Variants in PTPRD observed in about 807,000 individuals in gnomAD.
The protein encoded by PTPRD is protein tyrosine phosphatase receptor type D, also known as receptor-type tyrosine-protein phosphatase delta.
A neutral mutation model predicts 214.5 loss-of-function variants in PTPRD; 34 were observed. That is an observed-to-expected ratio of 0.16 (90% confidence interval 0.12 to 0.21). PTPRD has a LOEUF of 0.21. PTPRD is among the 10% of genes least tolerant of loss of function. The pLI is 1.00. For missense variants in PTPRD, 2,545 were observed against 2,398.7 expected (o/e 1.06, Z -1.27); for synonymous variants, 1,128 against 845.7 (o/e 1.33, Z -5.79).
chr9:9,307,972 C>T (rs935244251), intron 9 of PTPRD, among the ~76,000 whole-genome samples: 2 of 152,108 alleles, frequency 1.3e-5, no homozygotes, highest in African/African-American at 2.4e-5. Flanking sequence ...AGCAGACAAG[C>T]TATCCTGCAA....
At chr9:9,837,885 A>G (rs1250502381) in intron 5 of PTPRD, among the ~76,000 whole-genome samples, 1 of 152,158 alleles carries the variant, frequency 6.6e-6, no homozygotes, top group Non-Finnish European at 1.5e-5. Flanking sequence ...GTCATTTAGC[A>G]TTAGGTATAT....
rs1203781342 is a variant in PTPRD at position 8,484,099 on chromosome 9, T to G, written c.3413+20A>C. On this transcript the variant is annotated intron_variant, in intron 30 of 45. Transcript: ENST00000381196. Reference sequence around the variant, plus strand: ...TACCTATAATTCTTTCCTTCAGCCCTAAGCCTTCAATCAACTTACTTTATA... The same window carrying G: ...TACCTATAATTCTTTCCTTCAGCCCGAAGCCTTCAATCAACTTACTTTATA... 6.2e-7 allele frequency: 1 copy of G among 1,608,790 alleles called. No individual in the cohort carries two copies. Among genetic ancestry groups the G allele is most frequent in the Admixed American group, 1.7e-5 (1 of 59,860 alleles).
intron 3 of PTPRD, among the ~76,000 whole-genome samples, chr9:10,244,438 T>C (rs1258399758): frequency 6.6e-6 from 1 of 152,144 alleles, no homozygotes; most frequent in Non-Finnish European, 1.5e-5. Flanking sequence ...TGTTGATATG[T>C]GTGGCATGAG....
intron 35 of PTPRD, among the ~76,000 whole-genome samples, chr9:8,407,517 G>A (rs755133761): frequency 7.2e-5 from 11 of 152,158 alleles, no homozygotes; most frequent in Non-Finnish European, 1.5e-4. Flanking sequence ...TAACGACTAA[G>A]CCATGATACT....
chr9:9,927,193 C>T (rs2084629765), intron 5 of PTPRD, among the ~76,000 whole-genome samples: 1 of 152,034 alleles, frequency 6.6e-6, no homozygotes, highest in South Asian at 2.1e-4. Context: ...CTTGTGATTT[C>T]ACTGGGGGTA....
chr9:10,145,719 G>A (rs2154271130), intron 3 of PTPRD, among the ~76,000 whole-genome samples: 1 of 152,158 alleles, frequency 6.6e-6, no homozygotes. Flanking sequence ...ATGTGTGTAT[G>A]TGTATAAACA....
At chr9:9,739,012 C>T (rs1469093473) in intron 6 of PTPRD, among the ~76,000 whole-genome samples, 5 of 151,988 alleles carry the variant, frequency 3.3e-5, no homozygotes, top group Non-Finnish European at 5.9e-5. Context: ...TAGTGAGGAA[C>T]CTCAATAAAA....
At chr9:9,948,177 G>C (rs1157920093) in intron 4 of PTPRD, among the ~76,000 whole-genome samples, 1 of 152,046 alleles carries the variant, frequency 6.6e-6, no homozygotes, top group Non-Finnish European at 1.5e-5. Flanking sequence ...CCTATTCAAA[G>C]TCACCTTCCT....
At chr9:9,682,448 A>G (rs1326061063) in intron 7 of PTPRD, among the ~76,000 whole-genome samples, 1 of 151,816 alleles carries the variant, frequency 6.6e-6, no homozygotes, top group African/African-American at 2.4e-5. Context: ...TTCAAGGTTT[A>G]TTTCCAAAGA....
At chr9:8,427,492 G>A (rs953471813) in intron 35 of PTPRD, among the ~76,000 whole-genome samples, 7 of 152,084 alleles carry the variant, frequency 4.6e-5, no homozygotes, top group African/African-American at 1.7e-4. Flanking sequence ...CGGTGAGCTT[G>A]TTACCACGTG....
intron 9 of PTPRD, among the ~76,000 whole-genome samples, chr9:9,277,175 A>C (rs766773786): frequency 6.6e-6 from 1 of 151,478 alleles, no homozygotes; most frequent in Non-Finnish European, 1.5e-5. Context: ...GGCTTAAAAT[A>C]AGGATTCAGA....
chr9:8,337,898 G>A (rs916325732), intron 43 of PTPRD, among the ~76,000 whole-genome samples: 1 of 151,216 alleles, frequency 6.6e-6, no homozygotes. Context: ...AAACGGTGGG[G>A]CAGGTTACAC....
At chr9:10,547,945 G>A (rs777682847) in intron 2 of PTPRD, among the ~76,000 whole-genome samples, 1 of 151,926 alleles carries the variant, frequency 6.6e-6, no homozygotes, top group Non-Finnish European at 1.5e-5. Flanking sequence ...CTCTAAGTTT[G>A]TAATCAATCA....
chr9:9,751,488 G>C (rs548413642), intron 6 of PTPRD, among the ~76,000 whole-genome samples: 1 of 152,110 alleles, frequency 6.6e-6, no homozygotes, highest in Admixed American at 6.6e-5. Flanking sequence ...AAAAAGGTGT[G>C]TCTGAAGTCC....
chr9:9,692,341 A>G (rs555923468), intron 7 of PTPRD, among the ~76,000 whole-genome samples: 1 of 152,056 alleles, frequency 6.6e-6, no homozygotes, highest in African/African-American at 2.4e-5. Context: ...ATTCTTCTGC[A>G]TATGGATATC....
rs144932757 is a variant in PTPRD at position 9,448,780 on chromosome 9, G to C, written c.-236-51298C>G. 2.5e-3 allele frequency among the ~76,000 whole-genome samples: 373 copies of C among 152,126 alleles called. 1 individual carries two copies. Among genetic ancestry groups the C allele is most frequent in the African/African-American group, 8.4e-3 (349 of 41,528 alleles). Reference sequence around the variant, plus strand: ...TTCAAAGAGATCCAGGAAATTTACTGTTTTCAGCAGGGGGATTAAACACAC... The same window carrying C: ...TTCAAAGAGATCCAGGAAATTTACTCTTTTCAGCAGGGGGATTAAACACAC... On this transcript the variant is annotated intron_variant, in intron 8 of 45. Coordinates refer to ENST00000381196, the MANE Select transcript of PTPRD (RefSeq NM_002839.4).
At position 10,327,927 on chromosome 9, in the gene PTPRD, T is replaced by C. The variant is rs116421619; in HGVS notation, c.-545+13036A>G. On this transcript the variant is annotated intron_variant, in intron 3 of 45. Coordinates refer to ENST00000381196, the MANE Select transcript of PTPRD (RefSeq NM_002839.4). Reference sequence around the variant, plus strand: ...AACAAGATTTGGGTCCTTGCAGCTGTACATTGCAGTAACAATTTCTGGAGT... The same window carrying C: ...AACAAGATTTGGGTCCTTGCAGCTGCACATTGCAGTAACAATTTCTGGAGT... Among the ~76,000 whole-genome samples the C allele has an allele frequency of 1.6e-3, 244 of 151,870 alleles. 4 individuals carry two copies. The highest frequency in any genetic ancestry group is 5.5e-3 in the African/African-American group (227 of 41,514).
intron 5 of PTPRD, among the ~76,000 whole-genome samples, chr9:9,925,276 G>T (rs538684371): frequency 1.3e-4 from 20 of 152,078 alleles, no homozygotes; most frequent in African/African-American, 4.6e-4. Flanking sequence ...GGATAAAATT[G>T]TTGCCTTACT....
chr9:9,448,361 C>T (rs2091132776), intron 8 of PTPRD, among the ~76,000 whole-genome samples: 1 of 151,916 alleles, frequency 6.6e-6, no homozygotes, highest in African/African-American at 2.4e-5. Context: ...ATCATGGTGT[C>T]AGTTTCCCCC....
Sources: allele counts gnomAD v4.1 joint callset (sites outside exome capture counted in the v4.1 genomes callset), GRCh38; gene constraint gnomAD v4.1.1; transcripts MANE v1.5; gene names NCBI Gene and HGNC (gene_info 2026-07-23, HGNC 2026-07-21).